The following LIMCH1 variants were observed in gnomAD, a reference collection of about 807,000 sequenced individuals.
LIMCH1 encodes the protein LIM and calponin homology domains-containing protein 1.
A neutral mutation model predicts 176.5 loss-of-function variants in LIMCH1; 113 were observed. That is an observed-to-expected ratio of 0.64 (90% CI 0.55 to 0.75). The LOEUF (loss-of-function observed/expected upper bound fraction) is 0.75. LIMCH1 is among the 30% of genes least tolerant of loss of function. The probability of loss-of-function intolerance (pLI) is 0.00; values close to 1 mark genes in which losing one functional copy is unlikely to be tolerated. For synonymous variants in LIMCH1, 619 were observed against 645.9 expected (o/e 0.96, Z 0.63); for missense variants, 1,674 against 1,814.9 (o/e 0.92, Z 1.41).
chr4:41,527,858 T>G (rs1031419906), intron 3 of LIMCH1, among the ~76,000 whole-genome samples: 1 of 135,382 alleles, frequency 7.4e-6, no homozygotes, highest in African/African-American at 2.7e-5. Context: ...AACTGCCCCA[T>G]CCCCAAAAGG....
rs114869358 is a variant in LIMCH1, at chr4:41,665,051, C to T, written c.3292-1510C>T. On this transcript the variant is annotated intron_variant, in intron 20 of 31. Coordinates refer to ENST00000503057, the MANE Select transcript of LIMCH1 (RefSeq NM_001330672.2). ...ATGGAATCATGGTCTTTGAATCAAA[C>T]ACTTTTCTCACTTAGACTATGTGAA... 6.0e-3 allele frequency among the ~76,000 whole-genome samples: 917 copies of T among 152,282 alleles called. 6 individuals carry two copies. The highest frequency in any genetic ancestry group is 8.5e-3 in the Non-Finnish European group (578 of 68,030).
chr4:41,585,430 AT>A (rs2086269916), intron 1 of LIMCH1, among the ~76,000 whole-genome samples: 1 of 152,090 alleles, frequency 6.6e-6, no homozygotes, highest in African/African-American at 2.4e-5. Flanking sequence ...TATAGACCAC[AT>A]TTTGTTTATC....
At chr4:41,420,686 C>T (rs113713756) in intron 1 of LIMCH1, among the ~76,000 whole-genome samples, 8 of 152,164 alleles carry the variant, frequency 5.3e-5, no homozygotes, top group East Asian at 1.9e-4. Context: ...TGCTGGCCTC[C>T]GGAGGCCCTT....
chr4:41,391,557 G>A (rs1321870710), intron 1 of LIMCH1, among the ~76,000 whole-genome samples: 1 of 152,094 alleles, frequency 6.6e-6, no homozygotes, highest in East Asian at 1.9e-4. Flanking sequence ...ACCTTATCAA[G>A]TATTCAAGAT....
chr4:41,601,733 A>T (rs934371893), intron 2 of LIMCH1, among the ~76,000 whole-genome samples: 5 of 152,242 alleles, frequency 3.3e-5, no homozygotes, highest in African/African-American at 9.6e-5. Flanking sequence ...TTCTGGTTTT[A>T]GTAAGGAGTA....
At chr4:41,565,109 A>G (rs1423330064) in intron 1 of LIMCH1, among the ~76,000 whole-genome samples, 1 of 152,184 alleles carries the variant, frequency 6.6e-6, no homozygotes, top group Non-Finnish European at 1.5e-5. Flanking sequence ...ATGAATAAGC[A>G]GTGTCCTCAA....
At chr4:41,393,810 A>G (rs1293227043) in intron 1 of LIMCH1, among the ~76,000 whole-genome samples, 3 of 152,202 alleles carry the variant, frequency 2.0e-5, no homozygotes, top group East Asian at 1.9e-4. Flanking sequence ...AGACCTGAAG[A>G]TACTTGAATA....
intron 4 of LIMCH1, chr4:41,609,721 A>G (rs532823235): frequency 2.2e-6 from 1 of 451,156 alleles, no homozygotes; most frequent in East Asian, 7.0e-5. Flanking sequence ...ACATACTTTA[A>G]CTAGAGTAAC....
At chr4:41,360,568 C>T (rs957812279), upstream of LIMCH1, 5 of 221,668 alleles carry the variant, frequency 2.3e-5, no homozygotes, top group East Asian at 5.1e-4. The surrounding 1 kb of genome is among the most constrained non-coding windows in gnomAD (Gnocchi z 4.5). Flanking sequence ...GGCGGAGCGG[C>T]CCTCGAAGGT....
At chr4:41,633,833 G>A in intron 13 of LIMCH1, 25 bp downstream of exon 13, 1 of 1,530,368 alleles carries the variant, frequency 6.5e-7, no homozygotes, top group South Asian at 1.2e-5. Flanking sequence ...CTGTGCCCTT[G>A]TGACTTTGTT....
chr4:41,565,583 C>G (rs1290064117), intron 1 of LIMCH1, among the ~76,000 whole-genome samples: 1 of 151,928 alleles, frequency 6.6e-6, no homozygotes, highest in African/African-American at 2.4e-5. Context: ...GCTTTTGTAT[C>G]TTTCTCTAAG....
intron 1 of LIMCH1, among the ~76,000 whole-genome samples, chr4:41,544,719 C>T (rs974772565): frequency 2.6e-5 from 4 of 152,182 alleles, no homozygotes; most frequent in African/African-American, 4.8e-5. Context: ...CCAGACCACA[C>T]GTGTCTTCTG....
chr4:41,647,250 C>T (rs1258233928), intron 17 of LIMCH1, among the ~76,000 whole-genome samples: 5 of 152,146 alleles, frequency 3.3e-5, no homozygotes, highest in Admixed American at 3.3e-4. Flanking sequence ...GGAGGTATGG[C>T]AGACTCCTCA....
intron 4 of LIMCH1, chr4:41,609,576 G>C (rs1008771089): frequency 4.5e-6 from 2 of 447,814 alleles, no homozygotes; most frequent in Admixed American, 2.4e-5. Flanking sequence ...AGAAGCATCT[G>C]GAGTTTCTCA....
Position 41,396,913 on chromosome 4 carries a change from T to A in LIMCH1, c.96+35977T>A, listed in dbSNP as rs1026312059. On this transcript the variant is annotated intron_variant, in intron 1 of 26. Transcript: ENST00000313860. ...AGACTGTCTCAAAAAAAAAAATAAATAAATAAAAAGTCAGCAAGCTCTGAG... is the reference window on the plus strand; with the variant it reads ...AGACTGTCTCAAAAAAAAAAATAAAAAAATAAAAAGTCAGCAAGCTCTGAG... Among the ~76,000 whole-genome samples the A allele has an allele frequency of 8.6e-5, 13 of 151,644 alleles. 2 individuals carry two copies. Among genetic ancestry groups the A allele is most frequent in the African/African-American group, 3.2e-4 (13 of 41,252 alleles).
intron 1 of LIMCH1, among the ~76,000 whole-genome samples, chr4:41,579,573 A>G (rs1281011459): frequency 2.0e-5 from 3 of 152,198 alleles, no homozygotes; most frequent in Non-Finnish European, 2.9e-5. Flanking sequence ...GATCCGCATC[A>G]TGTATATGTG....
intron 31 of LIMCH1, among the ~76,000 whole-genome samples, chr4:41,694,755 G>C (rs1032664647): frequency 2.6e-5 from 4 of 151,286 alleles, no homozygotes; most frequent in Admixed American, 2.0e-4. Flanking sequence ...CCATAGGATA[G>C]ATTCTGAGCA....
chr4:41,670,946 C>T (rs1016134724), intron 21 of LIMCH1: 26 of 982,798 alleles, frequency 2.6e-5, no homozygotes, highest in Non-Finnish European at 2.8e-5. Flanking sequence ...TATATTACTA[C>T]CAGTTATGCT....
chr4:41,387,974 G>A (rs1313385447), intron 1 of LIMCH1, among the ~76,000 whole-genome samples: 1 of 152,100 alleles, frequency 6.6e-6, no homozygotes, highest in Non-Finnish European at 1.5e-5. Context: ...GCCGGGTGTG[G>A]TGGTGCATGC....
Sources: gnomAD v4.1 joint callset for allele counts (sites outside exome capture counted in the v4.1 genomes callset) on GRCh38, gnomAD v4.1.1 for gene constraint, Gnocchi (gnomAD v3.1) non-coding constraint, MANE v1.5 for transcripts, NCBI Gene and HGNC (gene_info 2026-07-23, HGNC 2026-07-21) for gene names.